PXDNL: variants seen among roughly 807,000 people sequenced by gnomAD.
PXDNL encodes the protein probable oxidoreductase PXDNL.
Under a neutral mutation model 150.8 loss-of-function variants are expected in PXDNL, and 145 were observed. The ratio of observed to expected loss-of-function variants is 0.96; its 90% CI spans 0.84 to 1.10. PXDNL has a LOEUF of 1.10. PXDNL is among the 50% of genes least tolerant of loss of function. The pLI is 0.00. For synonymous variants in PXDNL, 757 were observed against 725.7 expected, an observed-to-expected ratio of 1.04 and a Z score of -0.69; for missense variants, 2,087 against 1,873.9, an observed-to-expected ratio of 1.11 and a Z score of -2.10.
At chr8:51,667,054 A>T (rs1395355324) in intron 1 of PXDNL, among the ~76,000 whole-genome samples, 3 of 151,972 alleles carry the variant, frequency 2.0e-5, no homozygotes, top group Non-Finnish European at 4.4e-5. Flanking sequence ...GACATGTCAT[A>T]CTCATCATCA....
Position 51,809,361 on chromosome 8 carries a change from G to A in PXDNL, c.-17C>T, listed in dbSNP as rs926105815. On this transcript the variant is annotated 5_prime_UTR_variant, in exon 1 of 23. Coordinates refer to ENST00000356297, the MANE Select transcript of PXDNL (RefSeq NM_144651.5). ...GGGCTCCATCGCTCCATTCGCTGCT[G>A]GCCACGCGAAGAAGCAGCCGGAGGG... The A allele has an allele frequency of 6.6e-7, 1 of 1,515,998 alleles. No homozygotes were observed. The highest frequency in any genetic ancestry group is 8.8e-7 in the Non-Finnish European group (1 of 1,132,332). The allele number at this position is 1,515,998 out of a possible 1,614,324, so 93.9% of individuals were successfully genotyped here.
chr8:51,493,966 GAC>G (rs1441094713), intron 5 of PXDNL, among the ~76,000 whole-genome samples: 1 of 152,064 alleles, frequency 6.6e-6, no homozygotes, highest in Non-Finnish European at 1.5e-5. Flanking sequence ...GTAACTCCAA[GAC>G]ACATAATTGT....
intron 4 of PXDNL, among the ~76,000 whole-genome samples, chr8:51,542,345 A>G (rs1812234846): frequency 1.3e-5 from 2 of 152,162 alleles, no homozygotes; most frequent in African/African-American, 4.8e-5. Flanking sequence ...TTTATTGAAT[A>G]TTATGGACTG....
At chr8:51,715,519 A>C (rs2130906631) in intron 1 of PXDNL, among the ~76,000 whole-genome samples, 1 of 152,342 alleles carries the variant, frequency 6.6e-6, no homozygotes, top group South Asian at 2.1e-4. Context: ...TTACTAGCTA[A>C]GTGACTGAGA....
chr8:51,706,816 A>C (rs912553107), intron 1 of PXDNL, among the ~76,000 whole-genome samples: 1 of 152,304 alleles, frequency 6.6e-6, no homozygotes, highest in East Asian at 1.9e-4. Flanking sequence ...CTTTGCTAAG[A>C]GTGTAATTTT....
At chr8:51,694,095 T>C (rs1563509042) in intron 1 of PXDNL, among the ~76,000 whole-genome samples, 1 of 152,176 alleles carries the variant, frequency 6.6e-6, no homozygotes, top group Non-Finnish European at 1.5e-5. Context: ...CCTAGTATCC[T>C]GCGGAAAAAT....
chr8:51,799,004 T>C (rs984887210), intron 1 of PXDNL, among the ~76,000 whole-genome samples: 5 of 152,156 alleles, frequency 3.3e-5, no homozygotes, highest in African/African-American at 9.7e-5. Context: ...CCATCAATGA[T>C]AGACTGGATA....
intron 1 of PXDNL, among the ~76,000 whole-genome samples, chr8:51,662,597 A>T (rs1444909903): frequency 6.6e-6 from 1 of 152,244 alleles, no homozygotes; most frequent in African/African-American, 2.4e-5. Flanking sequence ...CTATTTGCAC[A>T]GCACTTACCT....
chr8:51,726,318 G>T (rs28593429), intron 1 of PXDNL, among the ~76,000 whole-genome samples: 13,063 of 152,126 alleles, frequency 0.086, 888 homozygotes, highest in African/African-American at 0.19. Context: ...TGAACACGCC[G>T]GCTCTATGCC....
At chr8:51,538,046 G>A (rs1354807750) in intron 4 of PXDNL, among the ~76,000 whole-genome samples, 2 of 152,274 alleles carry the variant, frequency 1.3e-5, no homozygotes, top group Non-Finnish European at 2.9e-5. Context: ...ATTGCATAAT[G>A]CAGAATAGAG....
intron 6 of PXDNL, among the ~76,000 whole-genome samples, chr8:51,481,644 C>T (rs776213621): frequency 2.0e-5 from 3 of 152,124 alleles, no homozygotes; most frequent in Non-Finnish European, 4.4e-5. Flanking sequence ...GGGCCTAGGG[C>T]CCCCCTGATC....
In PXDNL at chr8:51,737,471, A is replaced by G. The variant is rs543469894; in HGVS notation, c.164+71710T>C. Among the ~76,000 whole-genome samples the G allele has an allele frequency of 2.0e-5, 3 of 152,356 alleles. No individual in the cohort carries two copies. In the South Asian group the frequency reaches 6.2e-4, roughly 32 times the overall value. Reference sequence around the variant, plus strand: ...TGGTACCCAGCAGGCATTAATGTGCATTTCTTCAATGAATAAAGGAATGAG... The same window carrying G: ...TGGTACCCAGCAGGCATTAATGTGCGTTTCTTCAATGAATAAAGGAATGAG... On this transcript the variant is annotated intron_variant, in intron 1 of 22. Transcript: ENST00000356297.
At chr8:51,528,258 A>G (rs960687625) in intron 4 of PXDNL, among the ~76,000 whole-genome samples, 2 of 148,354 alleles carry the variant, frequency 1.3e-5, no homozygotes, top group Non-Finnish European at 3.0e-5. Context: ...TGTCATAAAG[A>G]TGCAAATAAT....
intron 1 of PXDNL, among the ~76,000 whole-genome samples, chr8:51,743,674 G>A (rs888425737): frequency 2.6e-5 from 4 of 151,966 alleles, no homozygotes; most frequent in Non-Finnish European, 5.9e-5. Context: ...GAGCCACCAT[G>A]CCCGGGCAAT....
chr8:51,511,214 G>T (rs534100859), intron 4 of PXDNL, among the ~76,000 whole-genome samples: 23 of 152,292 alleles, frequency 1.5e-4, no homozygotes, highest in African/African-American at 5.1e-4. Flanking sequence ...GATACTTCAT[G>T]CCAGGGCAGT....
chr8:51,384,698 C>T (rs1807648205), intron 17 of PXDNL, among the ~76,000 whole-genome samples: 1 of 151,972 alleles, frequency 6.6e-6, no homozygotes, highest in Non-Finnish European at 1.5e-5. Context: ...GTATATAATA[C>T]TATTCATTTT....
chr8:51,520,525 C>T (rs1378238963), intron 4 of PXDNL, among the ~76,000 whole-genome samples: 3 of 151,994 alleles, frequency 2.0e-5, no homozygotes, highest in Admixed American at 6.5e-5. Context: ...TCGGAAGATC[C>T]GAGGACGGCC....
At chr8:51,664,705 TCTTGACCATTTATATAGTGACCTGGGA>T (rs1386664240) in intron 1 of PXDNL, among the ~76,000 whole-genome samples, 1 of 152,094 alleles carries the variant, frequency 6.6e-6, no homozygotes, top group Non-Finnish European at 1.5e-5. Flanking sequence ...CCAGCCTGGT[TCTTGACCATTTATATAGTGACCTGGGA>T]CTTGGCAGGA....
chr8:51,478,582 A>T (rs548211949), intron 6 of PXDNL, among the ~76,000 whole-genome samples: 1 of 152,320 alleles, frequency 6.6e-6, no homozygotes, highest in African/African-American at 2.4e-5. Flanking sequence ...TGAGTTAGAA[A>T]TGGCATGGTA....
Sources: gnomAD v4.1 joint callset for allele counts (sites outside exome capture counted in the v4.1 genomes callset) on GRCh38, gnomAD v4.1.1 for gene constraint, MANE v1.5 for transcripts, NCBI Gene and HGNC (gene_info 2026-07-23, HGNC 2026-07-21) for gene names.